FHIT: variants seen among roughly 807,000 people sequenced by gnomAD.
FHIT encodes the protein bis(5'-adenosyl)-triphosphatase.
A neutral mutation model predicts 17.9 loss-of-function variants in FHIT; 19 were observed. That is an observed-to-expected ratio of 1.06 (90% CI 0.74 to 1.56). The LOEUF is 1.56. Ranked by LOEUF, FHIT falls within the 40% of genes most tolerant of loss-of-function variation. The pLI, the probability that FHIT is intolerant of heterozygous loss-of-function variation, is 0.00. For synonymous variants in FHIT, 81 were observed against 69.7 expected (o/e 1.16, Z -0.81); for missense variants, 248 against 189.2 (o/e 1.31, Z -1.82).
intron 4 of FHIT, among the ~76,000 whole-genome samples, chr3:60,789,417 C>T (rs1367230524): frequency 1.3e-5 from 2 of 152,156 alleles, no homozygotes; most frequent in Non-Finnish European, 2.9e-5. Flanking sequence ...ACTCAGGAGG[C>T]TGAGGCAGGA....
In FHIT at chr3:59,750,465, G is replaced by C. The variant is rs1700832411; in HGVS notation, c.*6-886C>G. 1.3e-5 allele frequency: 3 copies of C among 224,128 alleles called. No individual in the cohort carries two copies. In the South Asian group the frequency reaches 5.5e-4, roughly 41 times the overall value. 13.9% of individuals were successfully genotyped at this position (224,128 alleles called of 1,614,324 possible). On this transcript the variant is annotated intron_variant, in intron 9 of 9. Coordinates refer to ENST00000492590, the MANE Select transcript of FHIT (RefSeq NM_002012.4). ...AAAGAGGTTTGTAGTCATGCCCATAGGCCTATGTTCTTAGGTAAACTAAAC... is the reference window on the plus strand; with the variant it reads ...AAAGAGGTTTGTAGTCATGCCCATACGCCTATGTTCTTAGGTAAACTAAAC...
intron 5 of FHIT, among the ~76,000 whole-genome samples, chr3:60,195,574 ATTATAT>A (rs1364356326): frequency 3.4e-4 from 7 of 20,638 alleles, no homozygotes; most frequent in Middle Eastern, 0.02. Flanking sequence ...TATTTATATA[ATTATAT>A]TTATATTTAT....
chr3:60,069,423 A>C (rs2106964222), intron 5 of FHIT, among the ~76,000 whole-genome samples: 1 of 152,332 alleles, frequency 6.6e-6, no homozygotes, highest in Middle Eastern at 3.4e-3. Context: ...AATGTAACCT[A>C]TGTCAATTAC....
At chr3:60,465,772 A>G (rs545788895) in intron 5 of FHIT, among the ~76,000 whole-genome samples, 1 of 152,214 alleles carries the variant, frequency 6.6e-6, no homozygotes, top group South Asian at 2.1e-4. Context: ...TGCCAGTACC[A>G]TGCTGTTTTG....
At chr3:61,198,280 A>G (rs2038910262) in intron 2 of FHIT, among the ~76,000 whole-genome samples, 1 of 152,138 alleles carries the variant, frequency 6.6e-6, no homozygotes, top group Non-Finnish European at 1.5e-5. Context: ...ACATGGAGGC[A>G]ACAGTGGTCT....
chr3:60,756,452 T>C (rs937197819), intron 4 of FHIT, among the ~76,000 whole-genome samples: 8 of 152,192 alleles, frequency 5.3e-5, no homozygotes, highest in Admixed American at 2.6e-4. Flanking sequence ...ATGGGCATGA[T>C]CAAGCTCCAG....
chr3:60,893,371 A>G (rs531652326), intron 3 of FHIT, among the ~76,000 whole-genome samples: 1 of 152,344 alleles, frequency 6.6e-6, no homozygotes, highest in Admixed American at 6.5e-5. Context: ...TGTATTAAAT[A>G]CATTTGTATG....
intron 3 of FHIT, among the ~76,000 whole-genome samples, chr3:60,829,260 C>CT (rs1702233849): frequency 6.6e-6 from 1 of 152,164 alleles, no homozygotes. Context: ...TCAATATTTA[C>CT]TTTGTAACCA....
At chr3:60,685,563 G>A (rs540684126) in intron 4 of FHIT, among the ~76,000 whole-genome samples, 8 of 152,208 alleles carry the variant, frequency 5.3e-5, no homozygotes, top group South Asian at 4.1e-4. Flanking sequence ...TCTCCACCCC[G>A]TGACATATGG....
intron 4 of FHIT, among the ~76,000 whole-genome samples, chr3:60,815,149 A>G (rs1701694910): frequency 6.6e-6 from 1 of 151,718 alleles, no homozygotes; most frequent in East Asian, 1.9e-4. Flanking sequence ...TTAGACCTTT[A>G]GTGGTTGTGT....
chr3:60,675,716 T>A (rs945004220), intron 4 of FHIT, among the ~76,000 whole-genome samples: 2 of 152,172 alleles, frequency 1.3e-5, no homozygotes, highest in African/African-American at 2.4e-5. Context: ...AACAGCATGT[T>A]TTTTAATGAC....
chr3:60,036,071 C>A (rs764704835), intron 5 of FHIT, among the ~76,000 whole-genome samples: 1 of 152,206 alleles, frequency 6.6e-6, no homozygotes, highest in Non-Finnish European at 1.5e-5. Context: ...GGGTCTTACA[C>A]CAGAAGTTAG....
intron 5 of FHIT, among the ~76,000 whole-genome samples, chr3:60,229,432 A>G (rs1005921530): frequency 2.6e-5 from 4 of 151,902 alleles, no homozygotes; most frequent in South Asian, 2.1e-4. Context: ...AAGAAAAAAA[A>G]AAAAAGAAAA....
intron 5 of FHIT, among the ~76,000 whole-genome samples, chr3:60,219,229 C>T (rs745496902): frequency 7.2e-5 from 11 of 152,080 alleles, no homozygotes; most frequent in African/African-American, 2.2e-4. Flanking sequence ...TTCTGCCCCT[C>T]GTAATCCTTC....
chr3:60,635,388 C>T (rs533685231), intron 4 of FHIT, among the ~76,000 whole-genome samples: 2 of 152,192 alleles, frequency 1.3e-5, no homozygotes, highest in Non-Finnish European at 2.9e-5. Flanking sequence ...TCTGGCCTCC[C>T]TTTACTGAAC....
intron 4 of FHIT, among the ~76,000 whole-genome samples, chr3:60,659,982 C>T (rs2040202603): frequency 6.6e-6 from 1 of 152,088 alleles, no homozygotes. Context: ...GAGGATAAGC[C>T]TGAGATGTAA....
chr3:61,085,571 T>C (rs997017495), intron 2 of FHIT, among the ~76,000 whole-genome samples: 1 of 152,152 alleles, frequency 6.6e-6, no homozygotes, highest in Non-Finnish European at 1.5e-5. Context: ...CTGTGGTTTG[T>C]CTTTTTATTT....
intron 5 of FHIT, among the ~76,000 whole-genome samples, chr3:60,082,793 T>C (rs1703346199): frequency 6.6e-6 from 1 of 152,152 alleles, no homozygotes; most frequent in Admixed American, 6.6e-5. Flanking sequence ...TGTCTGTTCA[T>C]GTATTTTGTC....
At chr3:60,180,443 G>C (rs1015022699) in intron 5 of FHIT, among the ~76,000 whole-genome samples, 1 of 152,120 alleles carries the variant, frequency 6.6e-6, no homozygotes, top group African/African-American at 2.4e-5. Context: ...CCCAGTCCCT[G>C]AAAGAAATGA....
Sources: gnomAD v4.1 joint callset for allele counts (sites outside exome capture counted in the v4.1 genomes callset) on GRCh38, gnomAD v4.1.1 for gene constraint, MANE v1.5 for transcripts, NCBI Gene and HGNC (gene_info 2026-07-23, HGNC 2026-07-21) for gene names.